Variants in PPP3R1 observed in about 807,000 individuals in gnomAD.
PPP3R1 encodes calcineurin subunit B type 1.
PPP3R1 carries 5 observed loss-of-function variants against 22.6 expected under a neutral mutation model. The ratio of observed to expected loss-of-function variants is 0.22; its 90% CI spans 0.12 to 0.46. The LOEUF is 0.46. Among genes scored for constraint, PPP3R1 ranks in the 20% least tolerant of loss-of-function variants. The probability of loss-of-function intolerance (pLI) is 0.99; values close to 1 mark genes in which losing one functional copy is unlikely to be tolerated. For missense variants in PPP3R1, 61 were observed against 203.2 expected (o/e 0.30, Z 4.25); for synonymous variants, 56 against 65.2 (o/e 0.86, Z 0.68).
intron 2 of PPP3R1, among the ~76,000 whole-genome samples, chr2:68,190,625 G>A (rs1674646144): frequency 6.6e-6 from 1 of 152,112 alleles, no homozygotes; most frequent in Admixed American, 6.5e-5. Flanking sequence ...CAATAGTGAA[G>A]AGGTGCTTTC....
At chr2:68,212,830 G>A (rs1669512737) in intron 2 of PPP3R1, among the ~76,000 whole-genome samples, 1 of 152,214 alleles carries the variant, frequency 6.6e-6, no homozygotes, top group Non-Finnish European at 1.5e-5. Context: ...CAGCTGCACT[G>A]GTCCCCAAGA....
At chr2:68,248,116 T>A (rs1348328118) in intron 1 of PPP3R1, among the ~76,000 whole-genome samples, 1 of 152,180 alleles carries the variant, frequency 6.6e-6, no homozygotes, top group Non-Finnish European at 1.5e-5. Context: ...CACGCTAAAC[T>A]AACACTGTAG....
chr2:68,218,294 G>A (rs1379121316), intron 1 of PPP3R1, among the ~76,000 whole-genome samples: 1 of 151,790 alleles, frequency 6.6e-6, no homozygotes, highest in Non-Finnish European at 1.5e-5. Context: ...ACTCCTCAAC[G>A]TACCTTTAAT....
At chr2:68,206,029 G>A (rs926035056) in intron 2 of PPP3R1, among the ~76,000 whole-genome samples, 1 of 152,012 alleles carries the variant, frequency 6.6e-6, no homozygotes, top group African/African-American at 2.4e-5. Flanking sequence ...TGTTGGTCAG[G>A]CTGGTCTTGA....
At chr2:68,234,621 G>A (rs888310635) in intron 1 of PPP3R1, among the ~76,000 whole-genome samples, 1 of 152,258 alleles carries the variant, frequency 6.6e-6, no homozygotes, top group Non-Finnish European at 1.5e-5. Context: ...AGTCACAATC[G>A]CAGAAACACG....
At chr2:68,209,383 A>C (rs1362458702) in intron 2 of PPP3R1, among the ~76,000 whole-genome samples, 1 of 138,320 alleles carries the variant, frequency 7.2e-6, no homozygotes, top group Non-Finnish European at 1.6e-5. Context: ...AAAAAAAAAA[A>C]AAAAAAAACT....
At chr2:68,237,367 C>A (rs987646529) in intron 1 of PPP3R1, among the ~76,000 whole-genome samples, 5 of 152,096 alleles carry the variant, frequency 3.3e-5, no homozygotes, top group Non-Finnish European at 5.9e-5. Context: ...GGTTATTTTA[C>A]AAATATAACT....
At chr2:68,200,162 T>G (rs1451449635) in intron 2 of PPP3R1, among the ~76,000 whole-genome samples, 1 of 152,212 alleles carries the variant, frequency 6.6e-6, no homozygotes, top group Non-Finnish European at 1.5e-5. Context: ...ATTTGTCCAT[T>G]TCATCTAAGG....
At chr2:68,249,839 A>C (rs1377033501) in intron 1 of PPP3R1, among the ~76,000 whole-genome samples, 25 of 152,224 alleles carry the variant, frequency 1.6e-4, no homozygotes, top group Admixed American at 1.6e-3. Flanking sequence ...TCCATACTTG[A>C]ATTAACTAGT....
Position 68,228,168 on chromosome 2 carries a change from C to T in PPP3R1, c.4-11037G>A, listed in dbSNP as rs190596943. On this transcript the variant is annotated intron_variant, in intron 1 of 5. Transcript: ENST00000234310. ...TTTTTGTTTTGTCTTGGGTTTTATT[C>T]TTTAGTCTATTAATATAATTATACA... 4.1e-3 allele frequency among the ~76,000 whole-genome samples: 607 copies of T among 149,766 alleles called. 2 individuals carry two copies. The highest frequency in any genetic ancestry group is 0.014 in the Middle Eastern group (4 of 294).
At chr2:68,238,016 A>G (rs182680368) in intron 1 of PPP3R1, among the ~76,000 whole-genome samples, 21 of 152,284 alleles carry the variant, frequency 1.4e-4, no homozygotes, top group African/African-American at 5.1e-4. Flanking sequence ...TTGAAGCATA[A>G]AAGATCTCTT....
At chr2:68,219,411 G>A (rs1669642546) in intron 1 of PPP3R1, among the ~76,000 whole-genome samples, 1 of 152,106 alleles carries the variant, frequency 6.6e-6, no homozygotes, top group Non-Finnish European at 1.5e-5. Flanking sequence ...GAGTTTTGGA[G>A]ATTCCCCTTT....
Position 68,252,248 on chromosome 2 carries a change from GGGCGCGCGTGGGGGAGGGGAGGC to G in PPP3R1, c.-144_-122del, listed in dbSNP as rs1057196681. The G allele has an allele frequency of 6.4e-6, 7 of 1,086,554 alleles. No homozygotes were observed. The highest frequency in any genetic ancestry group is 6.4e-5 in the East Asian group (1 of 15,718). The allele number at this position is 1,086,554 out of a possible 1,614,324, so 67.3% of individuals were successfully genotyped here. ...GGCCCTCGGGTCGCCGGCGGGGAGG[GGGCGCGCGTGGGGGAGGGGAGGC>G]GGCGCCGCGGGGCCCGCGCCGGCCG... On this transcript the variant is annotated 5_prime_UTR_variant, in exon 1 of 6. Coordinates refer to ENST00000234310, the MANE Select transcript of PPP3R1 (RefSeq NM_000945.4).
At chr2:68,236,777 T>G (rs1572975974) in intron 1 of PPP3R1, among the ~76,000 whole-genome samples, 1 of 152,266 alleles carries the variant, frequency 6.6e-6, no homozygotes. Context: ...TTATAAAAAC[T>G]TAAATGCCAG....
intron 1 of PPP3R1, among the ~76,000 whole-genome samples, chr2:68,235,463 A>C (rs79802731): frequency 0.034 from 5,155 of 152,244 alleles, 262 homozygotes; most frequent in African/African-American, 0.11. Context: ...GAAATTATAC[A>C]ATATATGATC....
At chr2:68,233,085 T>C (rs1669950605) in intron 1 of PPP3R1, among the ~76,000 whole-genome samples, 1 of 152,242 alleles carries the variant, frequency 6.6e-6, no homozygotes, top group South Asian at 2.1e-4. Flanking sequence ...TGAGTCTCTC[T>C]CTTGTAGAAA....
intron 2 of PPP3R1, among the ~76,000 whole-genome samples, chr2:68,198,299 A>G (rs1339889056): frequency 1.3e-4 from 18 of 141,876 alleles, no homozygotes; most frequent in Admixed American, 6.3e-4. Flanking sequence ...ATACACATGT[A>G]TACATGTATA....
chr2:68,252,495 A>C lies in PPP3R1; in HGVS notation c.-368T>G. The C allele has an allele frequency of 1.0e-6, 1 of 976,644 alleles. No homozygotes were observed. The highest frequency in any genetic ancestry group is 1.2e-6 in the Non-Finnish European group (1 of 828,844). The allele number at this position is 976,644 out of a possible 1,614,324, so 60.5% of individuals were successfully genotyped here. A position where few individuals can be genotyped will look rare whatever the true frequency, so the allele number is the denominator to read the frequency against. Reference sequence around the variant, plus strand: ...CTCGCGCCGGAGCCGTGACGGACTCACTGCAGCGGCTCGCGCTGACCCGCA... The same window carrying C: ...CTCGCGCCGGAGCCGTGACGGACTCCCTGCAGCGGCTCGCGCTGACCCGCA... On this transcript the variant is annotated 5_prime_UTR_variant, in exon 1 of 6. Transcript: ENST00000234310.
intron 2 of PPP3R1, among the ~76,000 whole-genome samples, chr2:68,198,319 A>G (rs571469537): frequency 2.7e-4 from 30 of 111,282 alleles, no homozygotes; most frequent in African/African-American, 8.1e-4. Context: ...ACATATATGT[A>G]TATACATATG....
Sources: gnomAD v4.1 joint callset for allele counts (sites outside exome capture counted in the v4.1 genomes callset) on GRCh38, gnomAD v4.1.1 for gene constraint, MANE v1.5 for transcripts, NCBI Gene and HGNC (gene_info 2026-07-23, HGNC 2026-07-21) for gene names.